The following SLC26A11 variants were observed in gnomAD, a reference collection of about 807,000 sequenced individuals.
SLC26A11 encodes the protein sodium-independent sulfate anion transporter.
SLC26A11 carries 58 observed loss-of-function variants against 62.2 expected under a neutral mutation model. The ratio of observed to expected loss-of-function variants is 0.93; its 90% confidence interval spans 0.76 to 1.16. The LOEUF is 1.16. Among genes scored for constraint, SLC26A11 ranks in the 50% most tolerant of loss-of-function variants. The pLI, the probability that SLC26A11 is intolerant of heterozygous loss-of-function variation, is 0.00. For missense variants in SLC26A11, 790 were observed against 794.3 expected, an observed-to-expected ratio of 0.99 and a Z score of 0.06; for synonymous variants, 411 against 368.9, an observed-to-expected ratio of 1.11 and a Z score of -1.31.
chr17:80,240,393 C>G (rs977295548), intron 9 of SLC26A11, among the ~76,000 whole-genome samples: 6 of 151,278 alleles, frequency 4.0e-5, no homozygotes, highest in African/African-American at 1.5e-4. Context: ...CAACCTCTGT[C>G]TTAGATCCAT....
intron 9 of SLC26A11, among the ~76,000 whole-genome samples, chr17:80,238,598 T>C (rs569352028): frequency 6.6e-6 from 1 of 152,236 alleles, no homozygotes; most frequent in South Asian, 2.1e-4. Context: ...CAGCTTTGTA[T>C]TGTCTGTGCG....
chr17:80,221,890 C>T, intron 3 of SLC26A11, 96 bp downstream of exon 3: 1 of 1,271,608 alleles, frequency 7.9e-7, no homozygotes, highest in Non-Finnish European at 1.1e-6. Flanking sequence ...AGGTTTCCAG[C>T]CCCTGGGCCC....
At chr17:80,237,407 A>G (rs752738963) in intron 8 of SLC26A11, 115 bp from the exon 9 acceptor site, 15 of 993,168 alleles carry the variant, frequency 1.5e-5, no homozygotes, top group Non-Finnish European at 1.9e-5. Flanking sequence ...CCTGCAGCTG[A>G]CAAGCACTTG....
intron 10 of SLC26A11, among the ~76,000 whole-genome samples, chr17:80,243,339 C>T (rs964501658): frequency 6.6e-6 from 1 of 152,308 alleles, no homozygotes; most frequent in East Asian, 1.9e-4. Flanking sequence ...TCAAAGACCC[C>T]ACCAGTAAAT....
chr17:80,236,242 G>T (rs1037438207), intron 7 of SLC26A11, among the ~76,000 whole-genome samples: 1 of 152,214 alleles, frequency 6.6e-6, no homozygotes, highest in Admixed American at 6.5e-5. Context: ...GCCTCGACCA[G>T]TTCTCTGCTG....
chr17:80,252,546 C>T lies in SLC26A11; in HGVS notation c.1730-79C>T, dbSNP rs2043182482. On this transcript the variant is annotated intron_variant, in intron 17 of 17. Coordinates refer to ENST00000361193, the MANE Select transcript of SLC26A11 (RefSeq NM_001166347.2). The surrounding 1 kb of genome is among the most constrained non-coding windows in gnomAD (Gnocchi z 5.2). Reference sequence around the variant, plus strand: ...ACCTTCCAGGACTCTGGAAGGCCCTCCTTAATCCCTTCCTGTGAACTGACC... The same window carrying T: ...ACCTTCCAGGACTCTGGAAGGCCCTTCTTAATCCCTTCCTGTGAACTGACC... 6 of 1,393,990 alleles carry T rather than the reference C, an allele frequency of 4.3e-6. No individual in the cohort carries two copies. In the Admixed American group the frequency reaches 8.9e-5, roughly 21 times the overall value. 86.4% of individuals were successfully genotyped at this position (1,393,990 alleles called of 1,614,324 possible).
chr17:80,248,768 C>T lies in SLC26A11; in HGVS notation c.1522+94C>T, dbSNP rs142974197. 8.1e-3 allele frequency: 9,536 copies of T among 1,177,486 alleles called. 101 individuals carry two copies. Among genetic ancestry groups the T allele is most frequent in the South Asian group, 0.029 (2,120 of 73,004 alleles). The allele number at this position is 1,177,486 out of a possible 1,614,324, so 72.9% of individuals were successfully genotyped here. On this transcript the variant is annotated intron_variant, in intron 15 of 17. Transcript: ENST00000361193. ...CAGGACCCCAAGACCCTGTCCCCAACGCTCTCCAGTCCACAAGGATGCAGG... is the reference window on the plus strand; with the variant it reads ...CAGGACCCCAAGACCCTGTCCCCAATGCTCTCCAGTCCACAAGGATGCAGG...
chr17:80,242,477 G>C (rs555724295), intron 10 of SLC26A11, among the ~76,000 whole-genome samples: 2 of 152,308 alleles, frequency 1.3e-5, no homozygotes, highest in African/African-American at 4.8e-5. Flanking sequence ...CCTAGTGCCG[G>C]GGGTCAAGAG....
At position 80,222,822 on chromosome 17, in the gene SLC26A11, G is replaced by A. The variant is rs764115964; in HGVS notation, c.402G>A (p.Gln134=). 1.9e-6 allele frequency: 3 copies of A among 1,614,040 alleles called. No homozygotes were observed. The Admixed American group carries it at 5.0e-5, about 27-fold the overall frequency. ...VLLAFLSGCI[Q]LAMGVLRLGF... ...TGGCCTTCCTGTCCGGCTGCATCCA[G>A]CTGGCCATGGGGGTCCTGCGTTTGG... Residue 134 remains glutamine, a synonymous_variant, in exon 4 of 18, where the codon CAG becomes CAA. Transcript: ENST00000361193. The surrounding 1 kb of genome is among the most constrained non-coding windows in gnomAD (Gnocchi z 4.7).
At chr17:80,249,416 C>A in intron 16 of SLC26A11, 129 bp downstream of exon 16, 2 of 1,277,968 alleles carry the variant, frequency 1.6e-6, no homozygotes, top group Non-Finnish European at 1.1e-6. Context: ...GCTGGCTCTG[C>A]TTCTGATTTA....
chr17:80,239,372 C>G (rs2042795357), intron 9 of SLC26A11, among the ~76,000 whole-genome samples: 1 of 151,250 alleles, frequency 6.6e-6, no homozygotes, highest in African/African-American at 2.4e-5. Context: ...AGCCACCATG[C>G]TCAGCCCTCC....
In SLC26A11 at chr17:80,252,571, C is replaced by A; in HGVS notation, c.1730-54C>A. ...CCTTAATCCCTTCCTGTGAACTGAC[C>A]CATCCTCACTTCTGAGCTTTTAGTG... On this transcript the variant is annotated intron_variant, in intron 17 of 17. Coordinates refer to ENST00000361193, the MANE Select transcript of SLC26A11 (RefSeq NM_001166347.2). The surrounding 1 kb of genome is among the most constrained non-coding windows in gnomAD (Gnocchi z 5.2). 1 of 1,553,418 alleles carries A rather than the reference C, an allele frequency of 6.4e-7. No homozygotes were observed. Among genetic ancestry groups the A allele is most frequent in the Non-Finnish European group, 8.9e-7 (1 of 1,129,716 alleles).
At chr17:80,245,996 C>T (rs1226874349) in intron 11 of SLC26A11, among the ~76,000 whole-genome samples, 158 bp from the exon 12 acceptor site, 1 of 152,218 alleles carries the variant, frequency 6.6e-6, no homozygotes, top group Non-Finnish European at 1.5e-5. Context: ...TGTGACTGCA[C>T]CCTAAGTCTC....
At chr17:80,244,558 C>T (rs1410637500) in intron 10 of SLC26A11, among the ~76,000 whole-genome samples, 1 of 152,188 alleles carries the variant, frequency 6.6e-6, no homozygotes, top group African/African-American at 2.4e-5. Flanking sequence ...AAGCTAGGAT[C>T]TTGCCAGGCA....
Position 80,222,105 on chromosome 17 carries a change from G to C in SLC26A11, c.234+311G>C, listed in dbSNP as rs372948680. 1 of 320,798 alleles carries C rather than the reference G, an allele frequency of 3.1e-6. No individual in the cohort carries two copies. The highest frequency in any genetic ancestry group is 5.7e-5 in the South Asian group (1 of 17,412). 19.9% of individuals were successfully genotyped at this position (320,798 alleles called of 1,614,324 possible). ...AAAATACAAAAATTAGGCTGGGTGC[G>C]GTGGCTCAAGCCTGTAATCCCAGCA... On this transcript the variant is annotated intron_variant, in intron 3 of 17. Coordinates refer to ENST00000361193, the MANE Select transcript of SLC26A11 (RefSeq NM_001166347.2). This position sits in a 1 kb window ranked among gnomAD's most constrained non-coding sequence, Gnocchi z 4.7.
intron 7 of SLC26A11, among the ~76,000 whole-genome samples, chr17:80,234,678 C>A (rs2042646487): frequency 6.6e-6 from 1 of 152,268 alleles, no homozygotes; most frequent in South Asian, 2.1e-4. Flanking sequence ...TCCCACAGCT[C>A]ACTTGGGATT....
At chr17:80,224,338 TGTGAGA>T (rs1292743910) in intron 5 of SLC26A11, among the ~76,000 whole-genome samples, 33 of 144,206 alleles carry the variant, frequency 2.3e-4, no homozygotes, top group Admixed American at 2.1e-3. Context: ...TGAGTGAGAG[TGTGAGA>T]GTGGGTGTGG....
rs1370168150 is a variant in SLC26A11 at position 80,222,646 on chromosome 17, T to C, written c.235-9T>C. 6.2e-7 allele frequency: 1 copy of C among 1,612,606 alleles called. No homozygotes were observed. Among genetic ancestry groups the C allele is most frequent in the Admixed American group, 1.7e-5 (1 of 59,928 alleles). ...CCTCCTGAGTGCTCACCACCCTCTC[T>C]CCCCACAGTATGGCCTCTACTCTGC... On this transcript the variant is annotated splice_polypyrimidine_tract_variant and intron_variant, in intron 3 of 17. Coordinates refer to ENST00000361193, the MANE Select transcript of SLC26A11 (RefSeq NM_001166347.2). This position sits in a 1 kb window ranked among gnomAD's most constrained non-coding sequence, Gnocchi z 4.7.
At position 80,222,882 on chromosome 17, in the gene SLC26A11, C is replaced by T. The variant is rs375545109; in HGVS notation, c.427+35C>T. The T allele has an allele frequency of 2.8e-4, 450 of 1,604,938 alleles. 5 individuals carry two copies. The South Asian group carries it at 4.5e-3, about 16-fold the overall frequency. Reference sequence around the variant, plus strand: ...TACCTTCTTGCCAAGGGGATGCCCTCGACCTCAGCATTTGCTTGTTTGCAT... The same window carrying T: ...TACCTTCTTGCCAAGGGGATGCCCTTGACCTCAGCATTTGCTTGTTTGCAT... On this transcript the variant is annotated intron_variant, in intron 4 of 17. Coordinates refer to ENST00000361193, the MANE Select transcript of SLC26A11 (RefSeq NM_001166347.2). This position sits in a 1 kb window ranked among gnomAD's most constrained non-coding sequence, Gnocchi z 4.7.
Sources: gnomAD v4.1 joint callset for allele counts (sites outside exome capture counted in the v4.1 genomes callset) on GRCh38, gnomAD v4.1.1 for gene constraint, Gnocchi (gnomAD v3.1) non-coding constraint, MANE v1.5 for transcripts, NCBI Gene and HGNC (gene_info 2026-07-23, HGNC 2026-07-21) for gene names.